VWF: variants seen among roughly 807,000 people sequenced by gnomAD.
The protein encoded by VWF is von Willebrand factor.
VWF carries 176 observed loss-of-function variants against 308.6 expected under a neutral mutation model. The ratio of observed to expected loss-of-function variants is 0.57; its 90% CI spans 0.50 to 0.65. The LOEUF is 0.65. VWF is among the 30% of genes least tolerant of loss of function. VWF has a pLI of 0.00. For synonymous variants in VWF, 1,385 were observed against 1,443.4 expected, an observed-to-expected ratio of 0.96 and a Z score of 0.92; for missense variants, 3,146 against 3,648.2, an observed-to-expected ratio of 0.86 and a Z score of 3.55.
intron 40 of VWF, among the ~76,000 whole-genome samples, chr12:5,983,862 T>C (rs961875889): frequency 2.7e-5 from 4 of 147,062 alleles, no homozygotes; most frequent in Non-Finnish European, 6.0e-5. Context: ...TAGATAGAGA[T>C]AGGATAGATG....
intron 6 of VWF, among the ~76,000 whole-genome samples, chr12:6,079,422 C>T (rs549207979): frequency 1.4e-4 from 21 of 151,810 alleles, no homozygotes; most frequent in South Asian, 4.2e-4. Context: ...CTGGCTAACA[C>T]GGTGAAACCC....
At chr12:5,961,312 CTG>C (rs1031065383) in intron 47 of VWF, among the ~76,000 whole-genome samples, 4 of 152,160 alleles carry the variant, frequency 2.6e-5, no homozygotes, top group African/African-American at 9.7e-5. Context: ...GATGGAAAAA[CTG>C]TCTTCCACGA....
At position 6,060,398 on chromosome 12, in the gene VWF, C is replaced by A. The variant is rs1944641303; in HGVS notation, c.1534-2354G>T. Among the ~76,000 whole-genome samples, 1 of 152,008 alleles carries A rather than the reference C, an allele frequency of 6.6e-6. No homozygotes were observed. Among genetic ancestry groups the A allele is most frequent in the Non-Finnish European group, 1.5e-5 (1 of 68,000 alleles). On this transcript the variant is annotated intron_variant, in intron 13 of 51. Coordinates refer to ENST00000261405, the MANE Select transcript of VWF (RefSeq NM_000552.5). The surrounding 1 kb of genome is among the most constrained non-coding windows in gnomAD (Gnocchi z 5.1). ...GGAGACCGGGGGGCCCCTAGCTGCA[C>A]CTCCTCTTGCACCGCCTCTGCCCCA... is the stretch of plus-strand genomic sequence containing the variant.
intron 6 of VWF, among the ~76,000 whole-genome samples, chr12:6,092,634 T>TGAGAGTGAGAGAGAGAGAGAGAGAGA: frequency 1.3e-5 from 1 of 79,324 alleles, no homozygotes; most frequent in African/African-American, 7.9e-5. Flanking sequence ...TGTGTGTGTG[T>TGAGAGTGAGAGAGAGAGAGAGAGAGA]GTGTGTGTGT....
At chr12:6,068,870 G>A (rs571006595) in intron 10 of VWF, among the ~76,000 whole-genome samples, 1 of 127,606 alleles carries the variant, frequency 7.8e-6, no homozygotes, top group East Asian at 2.3e-4. Context: ...GTGTGTGTAT[G>A]TGTGTGTGAT....
At chr12:6,001,295 A>G (rs1335706021) in intron 34 of VWF, among the ~76,000 whole-genome samples, 1 of 152,178 alleles carries the variant, frequency 6.6e-6, no homozygotes, top group Non-Finnish European at 1.5e-5. Flanking sequence ...ATCAAACACA[A>G]GATGGCAATA....
At chr12:6,011,496 A>C (rs1943992949) in intron 34 of VWF, 121 bp downstream of exon 34, 1 of 787,556 alleles carries the variant, frequency 1.3e-6, no homozygotes, top group Non-Finnish European at 2.1e-6. Context: ...AGCACTGTGC[A>C]TGTGGTGATG....
intron 6 of VWF, among the ~76,000 whole-genome samples, chr12:6,082,054 C>A (rs1944917826): frequency 6.6e-6 from 1 of 152,070 alleles, no homozygotes; most frequent in Admixed American, 6.5e-5. Context: ...GCAACCTCTG[C>A]CTCTAGGGTT....
intron 20 of VWF, among the ~76,000 whole-genome samples, chr12:6,033,498 T>G (rs1262965389): frequency 1.3e-5 from 2 of 152,256 alleles, no homozygotes; most frequent in African/African-American, 4.8e-5. Flanking sequence ...TGTTCAGATT[T>G]GAAATGGGCT....
intron 44 of VWF, 112 bp from the exon 45 acceptor site, chr12:5,969,503 T>A: frequency 7.6e-7 from 1 of 1,316,214 alleles, no homozygotes; most frequent in Non-Finnish European, 1.1e-6. Flanking sequence ...AAGCCTGGCT[T>A]AACATGTAAG....
At chr12:6,102,592 A>G (rs1294875837) in intron 5 of VWF, among the ~76,000 whole-genome samples, 1 of 147,544 alleles carries the variant, frequency 6.8e-6, no homozygotes, top group Non-Finnish European at 1.5e-5. Context: ...AAAATTAGCC[A>G]GGCGTGGTGG....
chr12:6,100,137 A>T (rs1194997653), intron 5 of VWF, among the ~76,000 whole-genome samples: 1 of 152,110 alleles, frequency 6.6e-6, no homozygotes, highest in African/African-American at 2.4e-5. Context: ...AAAACACATG[A>T]AAAAATGCTC....
At chr12:6,051,773 C>T (rs1257581890) in intron 16 of VWF, among the ~76,000 whole-genome samples, 1 of 152,108 alleles carries the variant, frequency 6.6e-6, no homozygotes, top group Non-Finnish European at 1.5e-5. Flanking sequence ...CCATGGCCAA[C>T]TATTTTTTTT....
intron 16 of VWF, among the ~76,000 whole-genome samples, chr12:6,049,177 G>A (rs1359958136): frequency 6.6e-6 from 1 of 152,174 alleles, no homozygotes; most frequent in Non-Finnish European, 1.5e-5. Flanking sequence ...TCATTCTCCA[G>A]TGTGTTGTCT....
chr12:5,980,040 CA>C (rs746870090), intron 42 of VWF, among the ~76,000 whole-genome samples: 67 of 69,850 alleles, frequency 9.6e-4, no homozygotes, highest in African/African-American at 1.1e-3. Context: ...GACTCCATCT[CA>C]AAAAAAAAAA....
In VWF at chr12:6,058,301, T is replaced by C. The variant is rs951133919; in HGVS notation, c.1534-257A>G. Among the ~76,000 whole-genome samples, 5 of 152,102 alleles carry C rather than the reference T, an allele frequency of 3.3e-5. No homozygotes were observed. Among genetic ancestry groups the C allele is most frequent in the African/African-American group, 1.2e-4 (5 of 41,422 alleles). On this transcript the variant is annotated intron_variant, in intron 13 of 51. Coordinates refer to ENST00000261405, the MANE Select transcript of VWF (RefSeq NM_000552.5). The surrounding 1 kb of genome is among the most constrained non-coding windows in gnomAD (Gnocchi z 4.9). ...CTGCCACAAGAGATTTTAGAAATTA[T>C]CAGATCATCTAAGGATGGAGAAGGG...
At chr12:6,079,575 A>C (rs894169772) in intron 6 of VWF, among the ~76,000 whole-genome samples, 3 of 150,782 alleles carry the variant, frequency 2.0e-5, no homozygotes, top group African/African-American at 7.3e-5. Context: ...GCACCACTGC[A>C]CTCTAGCCTG....
At chr12:5,963,970 G>A (rs942097468) in intron 47 of VWF, among the ~76,000 whole-genome samples, 2 of 152,162 alleles carry the variant, frequency 1.3e-5, no homozygotes, top group Non-Finnish European at 2.9e-5. Flanking sequence ...CACTTTGGGA[G>A]GCCAAGGTGG....
At chr12:5,999,250 T>G (rs1197859338) in intron 34 of VWF, among the ~76,000 whole-genome samples, 2 of 151,984 alleles carry the variant, frequency 1.3e-5, no homozygotes, top group Non-Finnish European at 2.9e-5. Flanking sequence ...CAAAAATATT[T>G]TGAAGTATCC....
Sources: allele counts gnomAD v4.1 joint callset (sites outside exome capture counted in the v4.1 genomes callset), GRCh38; gene constraint gnomAD v4.1.1; non-coding constraint Gnocchi (gnomAD v3.1); transcripts MANE v1.5; gene names NCBI Gene and HGNC (gene_info 2026-07-23, HGNC 2026-07-21).